Variants in PSMG2 observed in about 807,000 individuals in gnomAD.
The protein encoded by PSMG2 is proteasome assembly chaperone 2.
A neutral mutation model predicts 31.5 loss-of-function variants in PSMG2; 21 were observed. That is an observed-to-expected ratio of 0.67 (90% CI 0.47 to 0.96). The LOEUF (loss-of-function observed/expected upper bound fraction) is 0.96. PSMG2 is among the 40% of genes least tolerant of loss of function. The probability of loss-of-function intolerance (pLI) is 0.00; values close to 1 mark genes in which losing one functional copy is unlikely to be tolerated. For missense variants in PSMG2, 318 were observed against 321.2 expected (o/e 0.99, Z 0.08); for synonymous variants, 120 against 110.4 (o/e 1.09, Z -0.54).
chr18:12,709,115 G>A (rs1023436441), intron 2 of PSMG2, among the ~76,000 whole-genome samples: 3 of 151,532 alleles, frequency 2.0e-5, no homozygotes, highest in Admixed American at 6.6e-5. Context: ...GCACGATCTC[G>A]GCCCATTGCA....
At chr18:12,674,073 T>C (rs142910173) in intron 1 of PSMG2, among the ~76,000 whole-genome samples, 10 of 152,046 alleles carry the variant, frequency 6.6e-5, no homozygotes, top group African/African-American at 2.4e-4. Flanking sequence ...ACCAAATGAA[T>C]CAAAATCTGT....
chr18:12,703,044 C>T lies in PSMG2; in HGVS notation c.-64C>T, dbSNP rs928069321. On this transcript the variant is annotated 5_prime_UTR_variant, in exon 1 of 7. Coordinates refer to ENST00000317615, the MANE Select transcript of PSMG2 (RefSeq NM_020232.5). ...AGGCTCCGGGGTCTCGGGCTTCCGC[C>T]TTCTTGCTGCCCTCGTTCTTGCCAG... 4.1e-5 allele frequency: 65 copies of T among 1,569,820 alleles called. No homozygotes were observed. The African/African-American group carries it at 5.7e-4, about 14-fold the overall frequency.
intron 1 of PSMG2, among the ~76,000 whole-genome samples, chr18:12,704,727 A>G (rs1264559041): frequency 6.6e-6 from 1 of 152,226 alleles, no homozygotes; most frequent in African/African-American, 2.4e-5. Flanking sequence ...GCCTTTTAGA[A>G]TGAAAGATAT....
At chr18:12,721,082 A>G (rs2040426602) in intron 5 of PSMG2, among the ~76,000 whole-genome samples, 1 of 150,890 alleles carries the variant, frequency 6.6e-6, no homozygotes, top group South Asian at 2.1e-4. Flanking sequence ...CGGGAGGCCG[A>G]GGCAGGAGAA....
chr18:12,686,485 A>G, intron 1 of PSMG2: 1 of 1,428,148 alleles, frequency 7.0e-7, no homozygotes, highest in Non-Finnish European at 9.7e-7. Flanking sequence ...GTAATGACAT[A>G]TTAATCATCC....
At chr18:12,673,298 G>A in intron 1 of PSMG2, 1 of 1,528,994 alleles carries the variant, frequency 6.5e-7, no homozygotes. Context: ...CCTCTAAATA[G>A]CTAAGTAATG....
At chr18:12,669,760 G>A (rs901374270) in intron 1 of PSMG2, among the ~76,000 whole-genome samples, 2 of 152,076 alleles carry the variant, frequency 1.3e-5, no homozygotes, top group African/African-American at 4.8e-5. Flanking sequence ...CAGCACTTTG[G>A]GAGGCCAAGG....
intron 1 of PSMG2, 79 bp downstream of exon 1, chr18:12,703,243 G>T: frequency 2.1e-6 from 3 of 1,444,438 alleles, no homozygotes; most frequent in Middle Eastern, 1.7e-4. Context: ...GGTGTTTGGC[G>T]GTGCCTTGGG....
At chr18:12,687,139 C>T (rs34859829) in intron 1 of PSMG2, among the ~76,000 whole-genome samples, 13,571 of 152,166 alleles carry the variant, frequency 0.089, 834 homozygotes, top group Non-Finnish European at 0.13. Flanking sequence ...TTCATGGTTA[C>T]TGATACGGCA....
chr18:12,697,185 C>A, intron 1 of PSMG2: 1 of 1,300,796 alleles, frequency 7.7e-7, no homozygotes, highest in South Asian at 1.5e-5. Flanking sequence ...TGAACTGTGG[C>A]TATAAAAAGG....
chr18:12,674,292 AAT>A, intron 1 of PSMG2, among the ~76,000 whole-genome samples: 1 of 152,048 alleles, frequency 6.6e-6, no homozygotes, highest in East Asian at 1.9e-4. Context: ...AGATAAAAAA[AAT>A]AGCCAGGTAT....
At chr18:12,697,963 A>G (rs1568032588) in intron 1 of PSMG2, among the ~76,000 whole-genome samples, 1 of 152,182 alleles carries the variant, frequency 6.6e-6, no homozygotes, top group Non-Finnish European at 1.5e-5. Context: ...TAGTTTACAA[A>G]TATAAAGATT....
At chr18:12,678,186 C>A (rs756863527) in intron 1 of PSMG2, 2 of 1,614,178 alleles carry the variant, frequency 1.2e-6, no homozygotes, top group South Asian at 1.1e-5. Flanking sequence ...ATTGTGGATG[C>A]ACACAGAGGT....
At chr18:12,691,917 C>G (rs1044339646) in intron 1 of PSMG2, among the ~76,000 whole-genome samples, 2 of 151,968 alleles carry the variant, frequency 1.3e-5, no homozygotes, top group Admixed American at 1.3e-4. Context: ...GACAGGGTTT[C>G]ACCACATTGG....
rs2039732739 is a variant in PSMG2 at position 12,690,905 on chromosome 18, T to TA, written c.-36-15641dup. Among the ~76,000 whole-genome samples the TA allele has an allele frequency of 3.9e-5, 6 of 151,954 alleles. No homozygotes were observed. The East Asian group carries it at 7.7e-4, about 20-fold the overall frequency. On this transcript the variant is annotated intron_variant, in intron 1 of 6. Transcript: ENST00000585331. ...AGTCGTGGTTATATACAATTTTTTT[T>TA]AAAACCCTAACAAAAAATATATATA...
chr18:12,724,534 A>C lies in PSMG2; in HGVS notation c.617A>C (p.Lys206Thr). ...SKEIQMAVLL[K>T]FVSEGDNIPD... ...GAAATCCAAATGGCAGTTCTGCTGA[A>C]ATTTGTTTCAGAAGGGGACAACATC... The change falls in exon 6 of 7, where the codon AAA (lysine) becomes ACA (threonine). Residue 206 changes from lysine (K) to threonine (T), a missense_variant. Physicochemically the swap from Lys to Thr is moderately conservative, Grantham distance 78. Coordinates refer to ENST00000317615, the MANE Select transcript of PSMG2 (RefSeq NM_020232.5). 1 of 1,607,264 alleles carries C rather than the reference A, an allele frequency of 6.2e-7. No homozygotes were observed. The highest frequency in any genetic ancestry group is 8.5e-7 in the Non-Finnish European group (1 of 1,177,434).
chr18:12,672,188 C>T lies in PSMG2; in HGVS notation c.-37+13415C>T, dbSNP rs62095976. On this transcript the variant is annotated intron_variant, in intron 1 of 6. Coordinates refer to the PSMG2 transcript ENST00000585331. ...GGAGTGCAGTGGCGCGATCTCACCT[C>T]ACTGCAACCTCTGCCTCCCAGGTTC... 4.6e-3 allele frequency among the ~76,000 whole-genome samples: 701 copies of T among 151,022 alleles called. 4 individuals are homozygous for T. Among genetic ancestry groups the T allele is most frequent in the South Asian group, 0.01 (48 of 4,770 alleles).
intron 1 of PSMG2, among the ~76,000 whole-genome samples, chr18:12,705,395 A>C (rs547009606): frequency 6.6e-6 from 1 of 152,130 alleles, no homozygotes; most frequent in African/African-American, 2.4e-5. Context: ...ATGGGGAAAA[A>C]TTTGGGCAAA....
upstream of PSMG2, chr18:12,702,424 C>A: frequency 1.5e-6 from 2 of 1,334,706 alleles, no homozygotes; most frequent in Non-Finnish European, 2.1e-6. Context: ...CCGGGGCCGC[C>A]GGGCAGGAGG....
Sources: allele counts gnomAD v4.1 joint callset (sites outside exome capture counted in the v4.1 genomes callset), GRCh38; gene constraint gnomAD v4.1.1; transcripts MANE v1.5; gene names NCBI Gene and HGNC (gene_info 2026-07-23, HGNC 2026-07-21).